The following PADI3 variants were observed in gnomAD, a reference collection of about 807,000 sequenced individuals.
PADI3 encodes the protein protein-arginine deiminase type-3.
In PADI3, 53 loss-of-function variants were observed where a neutral mutation model predicts 71.5. That is an observed-to-expected ratio of 0.74 (90% CI 0.59 to 0.93). PADI3 has a LOEUF of 0.93. PADI3 is among the 40% of genes least tolerant of loss of function. PADI3 has a pLI of 0.00. For synonymous variants in PADI3, 361 were observed against 347.5 expected, an observed-to-expected ratio of 1.04 and a Z score of -0.43; for missense variants, 821 against 868.0, an observed-to-expected ratio of 0.95 and a Z score of 0.68.
At chr1:17,260,623 AC>A (rs2100566653) in intron 2 of PADI3, among the ~76,000 whole-genome samples, 1 of 151,982 alleles carries the variant, frequency 6.6e-6, no homozygotes, top group African/African-American at 2.4e-5. Context: ...TTCAGTGCAG[AC>A]CCCTGGGGGC....
chr1:17,267,021 G>A (rs931608010), intron 5 of PADI3, among the ~76,000 whole-genome samples, 185 bp downstream of exon 5: 2 of 152,118 alleles, frequency 1.3e-5, no homozygotes, highest in African/African-American at 4.8e-5. Context: ...AGTGTCTCTA[G>A]GGCCAGTGAG....
At chr1:17,274,895 G>A in intron 11 of PADI3, 109 bp downstream of exon 11, 2 of 1,161,274 alleles carry the variant, frequency 1.7e-6, no homozygotes, top group Non-Finnish European at 1.2e-6. Context: ...CCAGAAGCAA[G>A]GAATGATGAA....
At position 17,281,480 on chromosome 1, in the gene PADI3, C is replaced by T. The variant is rs575855073; in HGVS notation, c.1761+684C>T. 1.2e-3 allele frequency among the ~76,000 whole-genome samples: 169 copies of T among 144,028 alleles called. 1 individual carries two copies. The highest frequency in any genetic ancestry group is 2.2e-3 in the Non-Finnish European group (148 of 66,834). The allele number at this position is 144,028 out of a possible 152,430, so 94.5% of individuals were successfully genotyped here. Reference sequence around the variant, plus strand: ...TTTTTTTTTGAGACGGAGTCTCACTCTGTTGCCCAGGCTGGAGGGCAGTGG... The same window carrying T: ...TTTTTTTTTGAGACGGAGTCTCACTTTGTTGCCCAGGCTGGAGGGCAGTGG... On this transcript the variant is annotated intron_variant, in intron 15 of 15. Coordinates refer to ENST00000375460, the MANE Select transcript of PADI3 (RefSeq NM_016233.2).
At chr1:17,280,053 C>A (rs1453155481) in intron 13 of PADI3, among the ~76,000 whole-genome samples, 1 of 152,188 alleles carries the variant, frequency 6.6e-6, no homozygotes, top group Non-Finnish European at 1.5e-5. Flanking sequence ...CCAGTGCCCT[C>A]GGGCAGTTGT....
intron 1 of PADI3, among the ~76,000 whole-genome samples, chr1:17,256,724 G>C (rs961437390): frequency 1.3e-4 from 20 of 152,192 alleles, no homozygotes; most frequent in Non-Finnish European, 2.1e-4. Context: ...CTTTGGGGTT[G>C]AGGGAGTTCC....
intron 13 of PADI3, 61 bp downstream of exon 13, chr1:17,276,937 C>A: frequency 7.1e-7 from 1 of 1,415,300 alleles, no homozygotes; most frequent in Non-Finnish European, 9.7e-7. Context: ...AATTAAGACA[C>A]ATCATGGCTT....
chr1:17,251,509 A>C lies in PADI3; in HGVS notation c.92+2280A>C, dbSNP rs1391764733. Among the ~76,000 whole-genome samples the C allele has an allele frequency of 2.6e-5, 4 of 152,248 alleles. No homozygotes were observed. The South Asian group carries it at 8.3e-4, about 31-fold the overall frequency. ...ATGGCACTGAATGCCACTCCCCAGC[A>C]GTGCCTGTAAGCGCTTTCCATATGT... On this transcript the variant is annotated intron_variant, in intron 1 of 15. Transcript: ENST00000375460.
At chr1:17,269,065 T>G (rs1370817168) in intron 6 of PADI3, among the ~76,000 whole-genome samples, 2 of 151,704 alleles carry the variant, frequency 1.3e-5, no homozygotes, top group Non-Finnish European at 1.5e-5. Context: ...TTTTTTTTTT[T>G]GTAAAGACAG....
chr1:17,254,194 G>A (rs2072999516), intron 1 of PADI3, among the ~76,000 whole-genome samples: 1 of 152,206 alleles, frequency 6.6e-6, no homozygotes. Flanking sequence ...GAGGCTGGCA[G>A]CGTCGGCGGA....
At chr1:17,268,052 A>T in intron 6 of PADI3, 90 bp downstream of exon 6, 1 of 1,507,098 alleles carries the variant, frequency 6.6e-7, no homozygotes, top group Non-Finnish European at 9.1e-7. Flanking sequence ...GGCCATGGGC[A>T]GGTCCTGCTT....
chr1:17,270,192 G>C (rs1569902515), intron 6 of PADI3, 41 bp from the exon 7 acceptor site: 2 of 1,577,572 alleles, frequency 1.3e-6, no homozygotes. Flanking sequence ...TGCTCCCTGG[G>C]CCCACAGGGA....
intron 1 of PADI3, among the ~76,000 whole-genome samples, chr1:17,254,336 C>T (rs898480428): frequency 7.9e-5 from 12 of 152,104 alleles, no homozygotes; most frequent in South Asian, 2.1e-4. Context: ...GTCAACCTTT[C>T]GGTGTTCAGC....
intron 1 of PADI3, among the ~76,000 whole-genome samples, chr1:17,257,725 G>A (rs1036385503): frequency 1.3e-5 from 2 of 152,220 alleles, no homozygotes; most frequent in African/African-American, 4.8e-5. Context: ...TTGTTTTGGG[G>A]GAGGTCTGCC....
intron 2 of PADI3, among the ~76,000 whole-genome samples, chr1:17,261,863 A>G (rs1290206197): frequency 3.3e-5 from 5 of 152,240 alleles, no homozygotes; most frequent in African/African-American, 1.2e-4. Context: ...GGCAAAACTG[A>G]GACCCAAAGG....
At chr1:17,280,615 T>G (rs1291613765) in intron 14 of PADI3, 56 bp from the exon 15 acceptor site, 2 of 1,610,502 alleles carry the variant, frequency 1.2e-6, no homozygotes, top group Non-Finnish European at 1.7e-6. Flanking sequence ...GATGCCTTGG[T>G]GCCCCCAAAA....
Position 17,282,911 on chromosome 1 carries a change from C to T in PADI3, c.1827C>T (p.Gly609=). The T allele has an allele frequency of 6.2e-7, 1 of 1,614,086 alleles. No individual in the cohort carries two copies. Among genetic ancestry groups the T allele is most frequent in the Non-Finnish European group, 8.5e-7 (1 of 1,180,004 alleles). ...IPKPFGPIIN[G]CCCLEEKVRS... ...AGCCCTTTGGGCCCATCATCAATGG[C>T]TGCTGCTGCCTGGAGGAGAAGGTGC... Residue 609 remains glycine, a synonymous_variant, in exon 16 of 16, where the codon GGC becomes GGT. Transcript: ENST00000375460.
intron 1 of PADI3, among the ~76,000 whole-genome samples, chr1:17,251,411 G>A (rs922110861): frequency 5.9e-5 from 9 of 152,302 alleles, no homozygotes; most frequent in East Asian, 3.9e-4. Flanking sequence ...CTCTCTGACC[G>A]TGGGAAACTC....
At chr1:17,282,077 C>G (rs766962636) in intron 15 of PADI3, among the ~76,000 whole-genome samples, 9 of 152,154 alleles carry the variant, frequency 5.9e-5, no homozygotes, top group Non-Finnish European at 1.0e-4. Flanking sequence ...ACATTTTGCC[C>G]TCCGCTTGCA....
chr1:17,282,858 G>A lies in PADI3; in HGVS notation c.1774G>A (p.Val592Met). ...AFFPDLVNML[V>M]LGKHLGIPKP... ...CTTTGGACTGCAGGTGAACATGCTG[G>A]TGCTGGGGAAGCACCTGGGCATCCC... The change falls in exon 16 of 16, where the codon GTG (valine) becomes ATG (methionine). Residue 592 changes from valine to methionine, a missense_variant. Transcript: ENST00000375460. The A allele has an allele frequency of 1.9e-6, 3 of 1,611,454 alleles. No homozygotes were observed. The highest frequency in any genetic ancestry group is 2.5e-6 in the Non-Finnish European group (3 of 1,178,770).
Sources: gnomAD v4.1 joint callset for allele counts (sites outside exome capture counted in the v4.1 genomes callset) on GRCh38, gnomAD v4.1.1 for gene constraint, MANE v1.5 for transcripts, NCBI Gene and HGNC (gene_info 2026-07-23, HGNC 2026-07-21) for gene names.